The following TNFSF10 variants were observed in gnomAD, a reference collection of about 807,000 sequenced individuals.
TNFSF10 encodes tumor necrosis factor ligand superfamily member 10.
In TNFSF10, 13 loss-of-function variants were observed where a neutral mutation model predicts 29.5. The ratio of observed to expected loss-of-function variants is 0.44; its 90% CI spans 0.29 to 0.70. The LOEUF (loss-of-function observed/expected upper bound fraction) is 0.70. Ranked by LOEUF, TNFSF10 falls within the 30% of genes least tolerant of loss-of-function variation. TNFSF10 has a pLI of 0.13. For missense variants in TNFSF10, 345 were observed against 330.9 expected (o/e 1.04, Z -0.33); for synonymous variants, 111 against 112.8 (o/e 0.98, Z 0.10).
At chr3:172,519,889 C>A (rs532081940) in intron 1 of TNFSF10, among the ~76,000 whole-genome samples, 3 of 152,212 alleles carry the variant, frequency 2.0e-5, no homozygotes, top group Non-Finnish European at 4.4e-5. Flanking sequence ...CTGCAGGATG[C>A]GCTGTGCATG....
chr3:172,507,971 A>G (rs1713059258), intron 4 of TNFSF10, among the ~76,000 whole-genome samples: 1 of 152,238 alleles, frequency 6.6e-6, no homozygotes, highest in African/African-American at 2.4e-5. Context: ...AAGCTTGACT[A>G]GGTTAAGTAA....
chr3:172,516,906 C>T (rs1041080348), intron 1 of TNFSF10, among the ~76,000 whole-genome samples: 1 of 152,172 alleles, frequency 6.6e-6, no homozygotes, highest in Non-Finnish European at 1.5e-5. Flanking sequence ...CCACAAGGCC[C>T]GAGGGTGGTT....
chr3:172,509,266 T>C lies in TNFSF10; in HGVS notation c.369A>G (p.Ala123=), dbSNP rs1713121447. ...TTCCTCTGGTCCCAGTTATGTGAGC[T>C]GCTACTCTCTGAGGACCTCTTTCTC... is the stretch of plus-strand genomic sequence containing the variant. ...LVRERGPQRV[A]AHITGTRGRS... The change falls in exon 4 of 5, where the codon GCA becomes GCG. Residue 123 remains alanine (A), a synonymous_variant. Transcript: ENST00000241261. 6.2e-7 allele frequency: 1 copy of C among 1,614,004 alleles called. No individual in the cohort carries two copies. Among genetic ancestry groups the C allele is most frequent in the Non-Finnish European group, 8.5e-7 (1 of 1,179,938 alleles).
chr3:172,520,953 A>G (rs1031341241), intron 1 of TNFSF10, among the ~76,000 whole-genome samples: 5 of 152,226 alleles, frequency 3.3e-5, no homozygotes, highest in Admixed American at 2.6e-4. Context: ...GCAATGGGGA[A>G]AGGATTCCCT....
chr3:172,512,205 T>G (rs1713253289), intron 2 of TNFSF10, among the ~76,000 whole-genome samples: 1 of 152,196 alleles, frequency 6.6e-6, no homozygotes, highest in African/African-American at 2.4e-5. Context: ...CACCGTGTCA[T>G]TCTTTCACTT....
intron 1 of TNFSF10, among the ~76,000 whole-genome samples, chr3:172,520,179 A>G (rs1713624174): frequency 6.6e-6 from 1 of 152,226 alleles, no homozygotes; most frequent in South Asian, 2.1e-4. Context: ...ATTTTCAGCA[A>G]TTTTGCAGTC....
At chr3:172,508,950 A>G (rs1218137611) in intron 4 of TNFSF10, among the ~76,000 whole-genome samples, 1 of 76,162 alleles carries the variant, frequency 1.3e-5, no homozygotes, top group African/African-American at 6.3e-5. Flanking sequence ...ATTACTCTAA[A>G]GAAGGAAAAA....
At chr3:172,521,041 C>T (rs1179092589) in intron 1 of TNFSF10, among the ~76,000 whole-genome samples, 3 of 152,122 alleles carry the variant, frequency 2.0e-5, no homozygotes, top group African/African-American at 7.2e-5. Flanking sequence ...ACAGCTTCTA[C>T]AAAAATTAAC....
chr3:172,519,073 G>A (rs983990079), intron 1 of TNFSF10, among the ~76,000 whole-genome samples: 5 of 152,156 alleles, frequency 3.3e-5, no homozygotes, highest in East Asian at 3.8e-4. Context: ...TTGTTCATCT[G>A]TAATATGGGG....
intron 4 of TNFSF10, among the ~76,000 whole-genome samples, chr3:172,508,630 CT>C (rs1384038249): frequency 6.6e-6 from 1 of 152,134 alleles, no homozygotes; most frequent in Admixed American, 6.6e-5. Flanking sequence ...TGGCTCACAC[CT>C]GTAATCCCAG....
chr3:172,518,143 A>G, intron 1 of TNFSF10: 3 of 1,069,922 alleles, frequency 2.8e-6, no homozygotes, highest in Non-Finnish European at 3.4e-6. Context: ...GGCTGAGGCT[A>G]TATTCTCTAA....
At chr3:172,507,785 C>G (rs758399421) in intron 4 of TNFSF10, among the ~76,000 whole-genome samples, 8 of 152,096 alleles carry the variant, frequency 5.3e-5, no homozygotes, top group Non-Finnish European at 4.4e-5. Flanking sequence ...AACCCCAAAC[C>G]CCCAAACAAA....
At position 172,509,698 on chromosome 3, in the gene TNFSF10, C is replaced by T. The variant is rs55701826; in HGVS notation, c.314-377G>A. On this transcript the variant is annotated intron_variant, in intron 3 of 4. Transcript: ENST00000241261. ...CTGAGTTAAATTGTGCAAATAACTA[C>T]GTATTGGCAAATTTCCACCTTGAAT... Among the ~76,000 whole-genome samples the T allele has an allele frequency of 3.2e-3, 486 of 152,290 alleles. 2 individuals carry two copies. The highest frequency in any genetic ancestry group is 6.0e-3 in the South Asian group (29 of 4,824).
chr3:172,506,830 T>C lies in TNFSF10; in HGVS notation c.508A>G (p.Arg170Gly). ...GHSFLSNLHL[R>G]NGELVIHEKG... ...TCATGGATGACCAGTTCACCATTCC[T>C]CAAGTGCAAGTTGCTCAGGAATGAA... The change falls in exon 5 of 5, where the codon AGG becomes GGG. Residue 170 changes from arginine (R) to glycine (G), a missense_variant. Physicochemically the swap from Arg to Gly is moderately radical, Grantham distance 125. Transcript: ENST00000241261. 1 of 1,614,200 alleles carries C rather than the reference T, an allele frequency of 6.2e-7. No homozygotes were observed. Among genetic ancestry groups the C allele is most frequent in the Non-Finnish European group, 8.5e-7 (1 of 1,180,030 alleles).
intron 1 of TNFSF10, chr3:172,517,855 T>C: frequency 1.0e-6 from 1 of 985,246 alleles, no homozygotes; most frequent in African/African-American, 1.7e-5. Context: ...CATTTTGGTG[T>C]TTCTCTTTCT....
At chr3:172,523,164 T>C in intron 1 of TNFSF10, 89 bp downstream of exon 1, 2 of 1,452,466 alleles carry the variant, frequency 1.4e-6, no homozygotes, top group African/African-American at 1.4e-5. Context: ...AGGAAAGTCT[T>C]CAGAGAGGGG....
chr3:172,517,319 G>A (rs1713476972), intron 1 of TNFSF10: 1 of 985,120 alleles, frequency 1.0e-6, no homozygotes, highest in Non-Finnish European at 1.2e-6. Context: ...TCCCTTCTGA[G>A]TATTTTCCAG....
chr3:172,513,626 C>T (rs1296002003), intron 2 of TNFSF10, among the ~76,000 whole-genome samples: 1 of 152,192 alleles, frequency 6.6e-6, no homozygotes, highest in African/African-American at 2.4e-5. Context: ...TGATCCCTAA[C>T]CACCAACATA....
In TNFSF10 at chr3:172,515,012, GAATATAACAC is replaced by G. The variant is rs759568839; in HGVS notation, c.133-24_133-15del. ...CTTGTCCTGCATCTGGGTTGAGATG[GAATATAACAC>G]AATATTTTGCATAAGTGCTTTTTAT... On this transcript the variant is annotated splice_polypyrimidine_tract_variant and intron_variant, in intron 1 of 4. Transcript: ENST00000241261. The G allele has an allele frequency of 1.9e-5, 31 of 1,613,912 alleles. No homozygotes were observed. In the East Asian group the frequency reaches 6.0e-4, roughly 31 times the overall value.
Sources: gnomAD v4.1 joint callset for allele counts (sites outside exome capture counted in the v4.1 genomes callset) on GRCh38, gnomAD v4.1.1 for gene constraint, MANE v1.5 for transcripts, NCBI Gene and HGNC (gene_info 2026-07-23, HGNC 2026-07-21) for gene names.